Variants in PPP4R3A observed in about 807,000 individuals in gnomAD.
PPP4R3A encodes the protein serine/threonine-protein phosphatase 4 regulatory subunit 3A.
A neutral mutation model predicts 91.7 loss-of-function variants in PPP4R3A; 15 were observed. The observed-to-expected ratio is 0.16, with a 90% CI of 0.11 to 0.25. The LOEUF is 0.25. Ranked by LOEUF, PPP4R3A falls within the 10% of genes least tolerant of loss-of-function variation. The pLI, the probability that PPP4R3A is intolerant of heterozygous loss-of-function variation, is 1.00. For synonymous variants in PPP4R3A, 377 were observed against 348.7 expected (o/e 1.08, Z -0.91); for missense variants, 623 against 998.4 (o/e 0.62, Z 5.07).
In PPP4R3A at chr14:91,461,378, T is replaced by C; in HGVS notation, c.2391+3A>G. ...GGGGGCAAAATGGGAGTCAAGAATG[T>C]ACCTTTGTAGTAATAGCTGCCGTCT... On this transcript the variant is annotated splice_donor_region_variant and intron_variant, in intron 14 of 14. Transcript: ENST00000554943. The C allele has an allele frequency of 1.3e-6, 2 of 1,597,374 alleles. No homozygotes were observed. Among genetic ancestry groups the C allele is most frequent in the Non-Finnish European group, 1.7e-6 (2 of 1,166,216 alleles).
chr14:91,483,952 G>A (rs557466681), intron 3 of PPP4R3A, among the ~76,000 whole-genome samples: 2 of 152,326 alleles, frequency 1.3e-5, no homozygotes, highest in South Asian at 4.1e-4. Flanking sequence ...TGGCATAAAG[G>A]AAGACTGTAT....
chr14:91,498,868 G>T lies in PPP4R3A; in HGVS notation c.143-8066C>A, dbSNP rs576018680. ...GGCGGAGCTTGCAGTGAGCCGAGATGGCACCACTGCACTCCATCCAGCCTG... is the reference window on the plus strand; with the variant it reads ...GGCGGAGCTTGCAGTGAGCCGAGATTGCACCACTGCACTCCATCCAGCCTG... On this transcript the variant is annotated intron_variant, in intron 1 of 14. Transcript: ENST00000554943. Among the ~76,000 whole-genome samples, 20 of 148,128 alleles carry T rather than the reference G, an allele frequency of 1.4e-4. No individual in the cohort carries two copies. In the East Asian group the frequency reaches 3.9e-3, roughly 29 times the overall value.
chr14:91,464,626 C>T (rs1567145852), intron 11 of PPP4R3A, among the ~76,000 whole-genome samples: 1 of 152,062 alleles, frequency 6.6e-6, no homozygotes. Context: ...TAAATTTGCA[C>T]AGCATCAATG....
At chr14:91,498,607 A>T (rs976208963) in intron 1 of PPP4R3A, among the ~76,000 whole-genome samples, 2 of 152,020 alleles carry the variant, frequency 1.3e-5, no homozygotes, top group African/African-American at 2.4e-5. Context: ...CTATGGGAGG[A>T]TCACTTAAGC....
chr14:91,460,987 C>T (rs77685288), intron 14 of PPP4R3A, among the ~76,000 whole-genome samples: 3,165 of 152,222 alleles, frequency 0.021, 102 homozygotes, highest in African/African-American at 0.073. Flanking sequence ...CCTTAACTGG[C>T]AAAGTAAAGT....
intron 1 of PPP4R3A, among the ~76,000 whole-genome samples, chr14:91,497,347 CA>C: frequency 6.1e-5 from 1 of 16,360 alleles, no homozygotes; most frequent in Non-Finnish European, 1.7e-4. Context: ...TATTTACACA[CA>C]CACACACACA....
At chr14:91,473,647 C>G (rs1248322975) in intron 7 of PPP4R3A, among the ~76,000 whole-genome samples, 2 of 152,220 alleles carry the variant, frequency 1.3e-5, no homozygotes, top group Non-Finnish European at 2.9e-5. Flanking sequence ...GATAATATAT[C>G]TTTACAACTT....
chr14:91,474,055 C>A (rs1889015477), intron 7 of PPP4R3A, among the ~76,000 whole-genome samples: 1 of 152,196 alleles, frequency 6.6e-6, no homozygotes, highest in Non-Finnish European at 1.5e-5. Context: ...AGGCGTGAGC[C>A]ACCGTGCCTG....
At chr14:91,493,466 C>T (rs1306882297) in intron 1 of PPP4R3A, among the ~76,000 whole-genome samples, 1 of 86,224 alleles carries the variant, frequency 1.2e-5, no homozygotes, top group Non-Finnish European at 3.5e-5. Context: ...ACACTCTAGA[C>T]TGGGTTCTAG....
At chr14:91,478,265 A>G (rs1889329229) in intron 4 of PPP4R3A, among the ~76,000 whole-genome samples, 1 of 152,254 alleles carries the variant, frequency 6.6e-6, no homozygotes, top group African/African-American at 2.4e-5. Context: ...CCAAATGGGT[A>G]TCAAATGGTT....
Position 91,462,053 on chromosome 14 carries a change from C to A in PPP4R3A, c.2160G>T (p.Lys720Asn). 1 of 1,508,922 alleles carries A rather than the reference C, an allele frequency of 6.6e-7. No homozygotes were observed. The highest frequency in any genetic ancestry group is 1.3e-5 in the South Asian group (1 of 75,272). The allele number at this position is 1,508,922 out of a possible 1,614,324, so 93.5% of individuals were successfully genotyped here. A position where few individuals can be genotyped will look rare whatever the true frequency, so the allele number is the denominator to read the frequency against. ...MDPISKFMER[K>N]KLKESEEKEV... ...GCCCATTTTTTTCCAACATACATTT[C>A]TTCCTTTCCATGAATTTACTTATTG... The change falls in exon 13 of 15, where the codon AAG becomes AAT. Residue 720 changes from lysine (K) to asparagine (N), a missense_variant. Physicochemically the swap from Lys to Asn is moderately conservative, Grantham distance 94. Around this residue, in one of 5 missense-constraint regions of PPP4R3A, gnomAD observed 201 missense variants for 229.9 expected, o/e 0.87. Coordinates refer to ENST00000554943, the MANE Select transcript of PPP4R3A (RefSeq NM_001366432.2).
intron 1 of PPP4R3A, among the ~76,000 whole-genome samples, chr14:91,506,746 C>T (rs1199770332): frequency 1.3e-5 from 2 of 152,074 alleles, no homozygotes; most frequent in Non-Finnish European, 1.5e-5. Context: ...GATGGGGTTT[C>T]GCCATGTTGC....
At chr14:91,506,462 C>T (rs1287278166) in intron 1 of PPP4R3A, among the ~76,000 whole-genome samples, 1 of 151,980 alleles carries the variant, frequency 6.6e-6, no homozygotes, top group East Asian at 1.9e-4. Context: ...ACTTATTATC[C>T]CTATTTAGAT....
intron 10 of PPP4R3A, 90 bp downstream of exon 10, chr14:91,470,747 T>A: frequency 6.9e-7 from 1 of 1,440,650 alleles, no homozygotes; most frequent in South Asian, 1.2e-5. Context: ...TCTCCTGACC[T>A]GTAATCAGTG....
Position 91,461,526 on chromosome 14 carries a change from G to A in PPP4R3A, c.2246C>T (p.Ser749Phe). The A allele has an allele frequency of 6.2e-7, 1 of 1,614,102 alleles. No individual in the cohort carries two copies. Among genetic ancestry groups the A allele is most frequent in the Non-Finnish European group, 8.5e-7 (1 of 1,179,970 alleles). The stretch of plus-strand genomic sequence containing the variant: ...GGTGAGGTTAGTCTTCGTTCCACTG[G>A]ACAGGGAAAGCTTGAAACTTGGGCT... ...RQSPSFKLSL[S>F]SGTKTNLTSQ... The change falls in exon 14 of 15, where the codon TCC becomes TTC. Residue 749 changes from serine to phenylalanine, a missense_variant. Physicochemically the swap from Ser to Phe is radical, Grantham distance 155. This residue lies in a region of PPP4R3A where 201 missense variants were observed against 229.9 expected (regional missense o/e 0.87). Transcript: ENST00000554943.
intron 1 of PPP4R3A, among the ~76,000 whole-genome samples, chr14:91,508,933 T>A (rs1891578929): frequency 6.6e-6 from 1 of 152,176 alleles, no homozygotes; most frequent in Admixed American, 6.5e-5. Context: ...TGAACGAAAA[T>A]CTTCGCAAGG....
intron 3 of PPP4R3A, among the ~76,000 whole-genome samples, chr14:91,482,636 AACTC>A: frequency 6.6e-6 from 1 of 152,352 alleles, no homozygotes. Flanking sequence ...TTCAATATTT[AACTC>A]TGAGGTGAAG....
At chr14:91,507,445 T>TAC (rs1799132157) in intron 1 of PPP4R3A, among the ~76,000 whole-genome samples, 4 of 135,902 alleles carry the variant, frequency 2.9e-5, no homozygotes, top group South Asian at 4.3e-4. Flanking sequence ...TTATATATAC[T>TAC]ATATAGTATA....
chr14:91,510,020 C>T lies in PPP4R3A; in HGVS notation c.-373G>A, dbSNP rs1891693490. Reference sequence around the variant, plus strand: ...GATCTCCGCGAAGCAGCTTCCCGCGCCGCCGCCGCCTCCTCAGGCCGCCGC... The same window carrying T: ...GATCTCCGCGAAGCAGCTTCCCGCGTCGCCGCCGCCTCCTCAGGCCGCCGC... On this transcript the variant is annotated 5_prime_UTR_variant, in exon 1 of 15. Transcript: ENST00000554943. The T allele has an allele frequency of 2.2e-6, 2 of 893,496 alleles. No individual in the cohort carries two copies. The highest frequency in any genetic ancestry group is 1.8e-5 in the African/African-American group (1 of 55,484). 55.3% of individuals were successfully genotyped at this position (893,496 alleles called of 1,614,324 possible).
Sources: allele counts gnomAD v4.1 joint callset (sites outside exome capture counted in the v4.1 genomes callset), GRCh38; gene constraint gnomAD v4.1.1; regional missense constraint gnomAD v4.1.1; transcripts MANE v1.5; gene names NCBI Gene and HGNC (gene_info 2026-07-23, HGNC 2026-07-21).